The following CLNK variants were observed in gnomAD, a reference collection of about 807,000 sequenced individuals.
CLNK encodes the protein cytokine dependent hematopoietic cell linker, also known as cytokine-dependent hematopoietic cell linker.
In CLNK, 74 loss-of-function variants were observed where a neutral mutation model predicts 68.6. The ratio of observed to expected loss-of-function variants is 1.08; its 90% CI spans 0.89 to 1.31. CLNK has a LOEUF of 1.31. Among genes scored for constraint, CLNK ranks in the 50% most tolerant of loss-of-function variants. The pLI is 0.00. For missense variants in CLNK, 553 were observed against 515.3 expected (o/e 1.07, Z -0.71); for synonymous variants, 198 against 172.2 (o/e 1.15, Z -1.17).
the CLNK span, among the ~76,000 whole-genome samples, chr4:10,709,519 G>T: frequency 4.7e-3 from 722 of 152,220 alleles, 3 homozygotes; most frequent in Non-Finnish European, 6.6e-3. Flanking sequence ...TGGACACGGA[G>T]AATTGATAAA....
chr4:10,616,841 T>C (rs1249171031), intron 2 of CLNK, among the ~76,000 whole-genome samples: 1 of 140,512 alleles, frequency 7.1e-6, no homozygotes, highest in Non-Finnish European at 1.6e-5. Context: ...TTTTTTTTTC[T>C]AGAGAATTGT....
At chr4:10,718,782 T>C in the CLNK span, among the ~76,000 whole-genome samples, 1 of 152,090 alleles carries the variant, frequency 6.6e-6, no homozygotes, top group Non-Finnish European at 1.5e-5. Flanking sequence ...CTTGTTCTCT[T>C]GAGTCTTCAA....
chr4:10,731,878 G>A, the CLNK span, among the ~76,000 whole-genome samples: 1 of 152,220 alleles, frequency 6.6e-6, no homozygotes, highest in Non-Finnish European at 1.5e-5. Flanking sequence ...GAAGTTTGGT[G>A]AGTTTGAAGC....
intron 1 of CLNK, among the ~76,000 whole-genome samples, chr4:10,676,142 C>A (rs541527391): frequency 1.2e-4 from 18 of 151,990 alleles, no homozygotes; most frequent in East Asian, 5.8e-4. Context: ...ATCAAGATTT[C>A]TCAGATACAG....
chr4:10,699,293 C>CGTGTGTGTAT, the CLNK span, among the ~76,000 whole-genome samples: 11 of 15,672 alleles, frequency 7.0e-4, no homozygotes, highest in South Asian at 4.1e-3. Context: ...TACGTGTATA[C>CGTGTGTGTAT]ACACACACAC....
chr4:10,728,201 G>A, the CLNK span, among the ~76,000 whole-genome samples: 1 of 152,158 alleles, frequency 6.6e-6, no homozygotes, highest in African/African-American at 2.4e-5. Context: ...AGCCCTGAAT[G>A]TCAGGAGTGA....
intron 15 of CLNK, among the ~76,000 whole-genome samples, chr4:10,515,450 T>A (rs1371079627): frequency 6.9e-6 from 1 of 144,540 alleles, no homozygotes; most frequent in Admixed American, 6.8e-5. Flanking sequence ...GAAACACCAT[T>A]TTTTTTTTTT....
intron 2 of CLNK, among the ~76,000 whole-genome samples, chr4:10,637,697 C>A (rs1723147321): frequency 1.4e-5 from 2 of 145,628 alleles, no homozygotes. Context: ...TTGGTTCATG[C>A]CATTCTCCTG....
rs563339378 is a variant in CLNK, at chr4:10,625,025, C to T, written c.12-26976G>A. On this transcript the variant is annotated intron_variant, in intron 2 of 18. Transcript: ENST00000226951. ...GGACAAATTACATAGTTTTACTGGGCAGTAGAATAATAACCATCATGGTAT... is the reference window on the plus strand; with the variant it reads ...GGACAAATTACATAGTTTTACTGGGTAGTAGAATAATAACCATCATGGTAT... Among the ~76,000 whole-genome samples, 6 of 152,256 alleles carry T rather than the reference C, an allele frequency of 3.9e-5. No individual in the cohort carries two copies. The East Asian group carries it at 1.2e-3, about 29-fold the overall frequency.
chr4:10,707,778 A>T, the CLNK span, among the ~76,000 whole-genome samples: 1 of 152,168 alleles, frequency 6.6e-6, no homozygotes, highest in African/African-American at 2.4e-5. Flanking sequence ...TTAGGACATA[A>T]GTGAGGTTCA....
At chr4:10,570,707 G>A (rs1008463423) in intron 5 of CLNK, among the ~76,000 whole-genome samples, 5 of 152,076 alleles carry the variant, frequency 3.3e-5, no homozygotes, top group African/African-American at 1.2e-4. Context: ...TCATACATCT[G>A]CCTATCTAAT....
chr4:10,516,469 C>T (rs144630221), intron 15 of CLNK, among the ~76,000 whole-genome samples: 11 of 151,812 alleles, frequency 7.2e-5, no homozygotes, highest in African/African-American at 2.7e-4. Context: ...ATCAAAAAGC[C>T]AAATTTATCT....
At chr4:10,505,738 G>GC (rs370856393) in intron 17 of CLNK, among the ~76,000 whole-genome samples, 8 of 151,930 alleles carry the variant, frequency 5.3e-5, no homozygotes, top group African/African-American at 1.5e-4. Flanking sequence ...ATTATACTGA[G>GC]CCCCCCCAGA....
chr4:10,661,805 T>G (rs2108889204), intron 2 of CLNK, among the ~76,000 whole-genome samples: 1 of 152,324 alleles, frequency 6.6e-6, no homozygotes, highest in Middle Eastern at 3.4e-3. Flanking sequence ...TCTTGCTGTT[T>G]CCTAAGTCAT....
At chr4:10,548,179 T>A (rs1053674070) in intron 8 of CLNK, among the ~76,000 whole-genome samples, 1 of 152,220 alleles carries the variant, frequency 6.6e-6, no homozygotes, top group African/African-American at 2.4e-5. Flanking sequence ...GTGTGTTTTT[T>A]AAGTAATAGT....
At chr4:10,706,398 T>C in the CLNK span, among the ~76,000 whole-genome samples, 1 of 152,170 alleles carries the variant, frequency 6.6e-6, no homozygotes, top group African/African-American at 2.4e-5. Flanking sequence ...CACACAGAAG[T>C]ACCCAGCCAA....
chr4:10,614,784 A>T (rs1722164017), intron 2 of CLNK, among the ~76,000 whole-genome samples: 1 of 152,264 alleles, frequency 6.6e-6, no homozygotes. Context: ...AAAAATCAAT[A>T]CATAAAGAGC....
At chr4:10,629,237 G>A (rs992311549) in intron 2 of CLNK, among the ~76,000 whole-genome samples, 5 of 152,186 alleles carry the variant, frequency 3.3e-5, no homozygotes, top group Non-Finnish European at 7.3e-5. Context: ...CAATTAATCT[G>A]CCTTTCGTGA....
At position 10,598,190 on chromosome 4, in the gene CLNK, T is replaced by G. The variant is rs145247843; in HGVS notation, c.12-141A>C. 29 of 628,796 alleles carry G rather than the reference T, an allele frequency of 4.6e-5. No individual in the cohort carries two copies. In the African/African-American group the frequency reaches 5.4e-4, roughly 12 times the overall value. The allele number at this position is 628,796 out of a possible 1,614,324, so 39.0% of individuals were successfully genotyped here. A position where few individuals can be genotyped will look rare whatever the true frequency, so the allele number is the denominator to read the frequency against. ...TCACACATAATTCTGAATCTCTCTT[T>G]GCATTACCACTAGGGTTAAAGAAAA... On this transcript the variant is annotated intron_variant, in intron 2 of 18. Coordinates refer to ENST00000226951, the MANE Select transcript of CLNK (RefSeq NM_052964.4).
Sources: allele counts gnomAD v4.1 joint callset (sites outside exome capture counted in the v4.1 genomes callset), GRCh38; gene constraint gnomAD v4.1.1; transcripts MANE v1.5; gene names NCBI Gene and HGNC (gene_info 2026-07-23, HGNC 2026-07-21).